Variants in CCDC88A observed in about 807,000 individuals in gnomAD.
CCDC88A encodes the protein girdin.
CCDC88A carries 54 observed loss-of-function variants against 234.3 expected under a neutral mutation model. The observed-to-expected ratio is 0.23, with a 90% confidence interval of 0.19 to 0.29. CCDC88A has a LOEUF of 0.29. CCDC88A is among the 10% of genes least tolerant of loss of function. The pLI is 1.00. For synonymous variants in CCDC88A, 753 were observed against 737.8 expected, an observed-to-expected ratio of 1.02 and a Z score of -0.33; for missense variants, 1,832 against 2,123.4, an observed-to-expected ratio of 0.86 and a Z score of 2.70.
intron 3 of CCDC88A, among the ~76,000 whole-genome samples, 177 bp from the exon 4 acceptor site, chr2:55,375,060 T>G (rs1447220784): frequency 6.6e-6 from 1 of 152,172 alleles, no homozygotes; most frequent in Non-Finnish European, 1.5e-5. Flanking sequence ...ATTAAATAAC[T>G]AAAATTATAA....
chr2:55,322,433 T>A (rs1241856576), intron 18 of CCDC88A, 95 bp downstream of exon 18: 2 of 725,238 alleles, frequency 2.8e-6, no homozygotes, highest in Non-Finnish European at 4.4e-6. Context: ...TGCCATCAAT[T>A]GTTTAAATAT....
chr2:55,406,844 A>G (rs1679674784), intron 2 of CCDC88A, among the ~76,000 whole-genome samples: 1 of 152,168 alleles, frequency 6.6e-6, no homozygotes, highest in South Asian at 2.1e-4. Context: ...GGGAAAGGAG[A>G]CATTAACAGT....
At chr2:55,299,734 T>C (rs185642366) in intron 29 of CCDC88A, 105 bp downstream of exon 29, 3 of 717,542 alleles carry the variant, frequency 4.2e-6, no homozygotes, top group Admixed American at 2.3e-5. Flanking sequence ...GTTCCAAACA[T>C]AGATGATTTG....
At chr2:55,382,186 G>T (rs1396958642) in intron 3 of CCDC88A, among the ~76,000 whole-genome samples, 1 of 152,006 alleles carries the variant, frequency 6.6e-6, no homozygotes, top group Non-Finnish European at 1.5e-5. Flanking sequence ...TCCAAATGTT[G>T]CTTATTATAA....
chr2:55,309,312 T>A lies in CCDC88A; in HGVS notation c.4080-58A>T. The A allele has an allele frequency of 1.3e-6, 1 of 776,124 alleles. No homozygotes were observed. Among genetic ancestry groups the A allele is most frequent in the Non-Finnish European group, 2.1e-6 (1 of 467,476 alleles). 48.1% of individuals were successfully genotyped at this position (776,124 alleles called of 1,614,324 possible). ...ATCATATTTTGTACAGCTATGAATA[T>A]TAAATTATTTGGTGACTGTGATCTA... On this transcript the variant is annotated intron_variant, in intron 23 of 32. Transcript: ENST00000436346. This position sits in a 1 kb window ranked among gnomAD's most constrained non-coding sequence, Gnocchi z 5.1.
chr2:55,415,935 T>C (rs1014871697), intron 2 of CCDC88A, among the ~76,000 whole-genome samples: 4 of 151,648 alleles, frequency 2.6e-5, no homozygotes, highest in African/African-American at 7.3e-5. Flanking sequence ...TTGTATTTAA[T>C]GGAATACAAA....
Position 55,415,113 on chromosome 2 carries a change from A to C in CCDC88A, c.164+3703T>G, listed in dbSNP as rs78458657. On this transcript the variant is annotated intron_variant, in intron 2 of 32. Coordinates refer to ENST00000436346, the MANE Select transcript of CCDC88A (RefSeq NM_001365480.1). ...ATAAAAAAAGTCCATCTCACATCTA[A>C]AAGCAGTAATATAAGACTAGCAGAG... 2.8e-4 allele frequency among the ~76,000 whole-genome samples: 43 copies of C among 152,044 alleles called. No individual in the cohort carries two copies. In the East Asian group the frequency reaches 8.1e-3, roughly 29 times the overall value.
At chr2:55,370,506 T>C (rs988989002) in intron 5 of CCDC88A, among the ~76,000 whole-genome samples, 3 of 151,658 alleles carry the variant, frequency 2.0e-5, no homozygotes, top group African/African-American at 7.3e-5. Context: ...CCAGGTGTGG[T>C]AGCACACATC....
chr2:55,379,961 T>C (rs533563901), intron 3 of CCDC88A, among the ~76,000 whole-genome samples: 4 of 148,034 alleles, frequency 2.7e-5, no homozygotes, highest in African/African-American at 1.0e-4. Context: ...CAGTGGCTCA[T>C]GCCTGTAATC....
intron 2 of CCDC88A, among the ~76,000 whole-genome samples, chr2:55,390,379 A>G (rs1301477211): frequency 6.6e-6 from 1 of 152,176 alleles, no homozygotes; most frequent in Non-Finnish European, 1.5e-5. Context: ...TGCTTCAACT[A>G]TTTGCTTTCC....
intron 17 of CCDC88A, among the ~76,000 whole-genome samples, chr2:55,324,947 T>C (rs1368113853): frequency 6.6e-6 from 1 of 152,186 alleles, no homozygotes; most frequent in East Asian, 1.9e-4. Context: ...TGCCTGGCCA[T>C]GGGCCAGGAC....
At chr2:55,301,149 C>T (rs1680851799) in intron 28 of CCDC88A, 57 bp downstream of exon 28, 3 of 1,038,434 alleles carry the variant, frequency 2.9e-6, no homozygotes, top group Non-Finnish European at 4.4e-6. Flanking sequence ...GGCAAGAGTC[C>T]TAGCATTCCC....
chr2:55,358,488 T>G (rs1670878640), intron 7 of CCDC88A, among the ~76,000 whole-genome samples: 1 of 152,146 alleles, frequency 6.6e-6, no homozygotes, highest in African/African-American at 2.4e-5. Context: ...TGCCCATCTA[T>G]CCTTTTATTG....
intron 31 of CCDC88A, chr2:55,294,819 T>C: frequency 1.9e-6 from 2 of 1,027,030 alleles, no homozygotes; most frequent in South Asian, 3.6e-5. Flanking sequence ...GGAGCATGTA[T>C]GGTTAAGGTT....
At chr2:55,362,015 C>A in intron 7 of CCDC88A, 1 of 220,970 alleles carries the variant, frequency 4.5e-6, no homozygotes, top group Middle Eastern at 1.5e-3. Context: ...TTTTCAGTTT[C>A]ACACTTTTGT....
At chr2:55,314,393 A>G (rs1003934884) in intron 22 of CCDC88A, 5 of 152,206 alleles carry the variant, frequency 3.3e-5, no homozygotes, top group African/African-American at 9.7e-5. Flanking sequence ...ATATATAAAG[A>G]AAAGAGAACA....
intron 3 of CCDC88A, among the ~76,000 whole-genome samples, chr2:55,381,096 A>C (rs1212015457): frequency 6.6e-6 from 1 of 152,158 alleles, no homozygotes; most frequent in African/African-American, 2.4e-5. Context: ...TTGTGTTACA[A>C]CTGCCTACAG....
Position 55,334,919 on chromosome 2 carries a change from C to A in CCDC88A, c.1902G>T (p.Leu634Phe). The change falls in exon 15 of 33, where the codon TTG (leucine) becomes TTT (phenylalanine). Residue 634 changes from leucine to phenylalanine, a missense_variant. Physicochemically the swap from Leu to Phe is conservative, Grantham distance 22. Transcript: ENST00000436346. The surrounding 1 kb of genome is among the most constrained non-coding windows in gnomAD (Gnocchi z 6.1). ...GERAEELENE[L>F]HHLEKENELL... ...ATTCATTTTCTTTTTCAAGATGATG[C>A]AATTCATTTTCAAGTTCTTCAGCTC... 6.6e-7 allele frequency: 1 copy of A among 1,517,718 alleles called. No homozygotes were observed. Among genetic ancestry groups the A allele is most frequent in the Non-Finnish European group, 8.9e-7 (1 of 1,118,736 alleles). The allele number at this position is 1,517,718 out of a possible 1,614,324, so 94.0% of individuals were successfully genotyped here. A position where few individuals can be genotyped will look rare whatever the true frequency, so the allele number is the denominator to read the frequency against.
Position 55,390,053 on chromosome 2 carries a change from A to AAAAAAAAAAAAAAAAAAAAAAAAG in CCDC88A, c.165-1168_165-1167insCTTTTTTTTTTTTTTTTTTTTTTT, listed in dbSNP as rs377022377. 2.4e-3 allele frequency among the ~76,000 whole-genome samples: 195 copies of AAAAAAAAAAAAAAAAAAAAAAAAG among 79,678 alleles called. 43 individuals are homozygous for AAAAAAAAAAAAAAAAAAAAAAAAG. The highest frequency in any genetic ancestry group is 8.7e-3 in the East Asian group (16 of 1,832). The allele number at this position is 79,678 out of a possible 152,430, so 52.3% of individuals were successfully genotyped here. A position where few individuals can be genotyped will look rare whatever the true frequency, so the allele number is the denominator to read the frequency against. On this transcript the variant is annotated intron_variant, in intron 2 of 32. Transcript: ENST00000436346. ...GAGACTCAAAAAAAAAAAAAAATAAAAAATAAAGATAGAACATTTCAAAGT... is the reference window on the plus strand; with the variant it reads ...GAGACTCAAAAAAAAAAAAAAATAAAAAAAAAAAAAAAAAAAAAAAAAAGAAATAAAGATAGAACATTTCAAAGT...
Sources: allele counts gnomAD v4.1 joint callset (sites outside exome capture counted in the v4.1 genomes callset), GRCh38; gene constraint gnomAD v4.1.1; non-coding constraint Gnocchi (gnomAD v3.1); transcripts MANE v1.5; gene names NCBI Gene and HGNC (gene_info 2026-07-23, HGNC 2026-07-21).